IARS1: variants seen among roughly 807,000 people sequenced by gnomAD.
The protein encoded by IARS1 is isoleucine--tRNA ligase, cytoplasmic.
In IARS1, 124 loss-of-function variants were observed where a neutral mutation model predicts 168.2. That is an observed-to-expected ratio of 0.74 (90% confidence interval 0.64 to 0.86). The LOEUF is 0.86. Among genes scored for constraint, IARS1 ranks in the 40% least tolerant of loss-of-function variants. The pLI, the probability that IARS1 is intolerant of heterozygous loss-of-function variation, is 0.00. For synonymous variants in IARS1, 532 were observed against 529.4 expected (o/e 1.00, Z -0.07); for missense variants, 1,452 against 1,515.8 (o/e 0.96, Z 0.70).
chr9:92,273,061 G>A (rs1833307283), intron 10 of IARS1, among the ~76,000 whole-genome samples: 1 of 149,578 alleles, frequency 6.7e-6, no homozygotes, highest in South Asian at 2.1e-4. Flanking sequence ...GAACCCAGGA[G>A]ACGGAGATTG....
At chr9:92,219,946 C>T (rs1456407341) in intron 33 of IARS1, among the ~76,000 whole-genome samples, 6 of 151,816 alleles carry the variant, frequency 4.0e-5, no homozygotes, top group African/African-American at 1.5e-4. Context: ...ATAAATCATG[C>T]TGCTATAAAG....
chr9:92,251,809 A>G lies in IARS1; in HGVS notation c.2306T>C (p.Met769Thr), dbSNP rs372434272. Residue 769 changes from methionine (M) to threonine (T), a missense_variant and splice_region_variant, in exon 22 of 34, where the codon ATG becomes ACG. Physicochemically the swap from Met to Thr is moderately conservative, Grantham distance 81 (BLOSUM62 -1). Coordinates refer to ENST00000443024, the MANE Select transcript of IARS1 (RefSeq NM_002161.6). The stretch of plus-strand genomic sequence containing the variant: ...CTAGAAAGAAGCCAATCATCTTACC[A>G]TAAGTCTGCAAAGAGAAAGCAGAAC... ...FSVLLSLCRL[M>T]APYTPFLTEL... is the part of the protein sequence containing the mutation. The G allele has an allele frequency of 3.3e-5, 54 of 1,613,050 alleles. No homozygotes were observed. The highest frequency in any genetic ancestry group is 4.2e-5 in the Non-Finnish European group (50 of 1,179,074).
intron 4 of IARS1, among the ~76,000 whole-genome samples, chr9:92,286,942 G>A (rs1490924459): frequency 6.6e-6 from 1 of 152,090 alleles, no homozygotes; most frequent in East Asian, 1.9e-4. Flanking sequence ...ATAAGTGAAT[G>A]TATGACAAAA....
chr9:92,274,364 C>T (rs879153272), intron 10 of IARS1, 62 bp downstream of exon 10: 14 of 1,248,716 alleles, frequency 1.1e-5, no homozygotes, highest in African/African-American at 1.5e-5. Context: ...CACAGGACTC[C>T]GCATCTATGA....
intron 7 of IARS1, among the ~76,000 whole-genome samples, chr9:92,278,883 G>A (rs1364302678): frequency 2.0e-5 from 3 of 152,134 alleles, no homozygotes; most frequent in African/African-American, 7.2e-5. Context: ...CTAACAAGTT[G>A]ACAGACACTT....
rs749771215 is a variant in IARS1 at position 92,251,873 on chromosome 9, T to A, written c.2242A>T (p.Met748Leu). The change falls in exon 22 of 34, where the codon ATG (methionine) becomes TTG (leucine). Residue 748 changes from methionine to leucine, a missense_variant. Coordinates refer to ENST00000443024, the MANE Select transcript of IARS1 (RefSeq NM_002161.6). ...TCTAGGGCCATGACACAATCCTCCA[T>A]CCCATTTTCACCCTAATGAGTAAAA... ...NRRRLKGENGMEDCVMALETL... is the reference protein window; with the variant it reads ...NRRRLKGENGLEDCVMALETL... 6.2e-7 allele frequency: 1 copy of A among 1,612,064 alleles called. No individual in the cohort carries two copies. The highest frequency in any genetic ancestry group is 1.3e-5 in the African/African-American group (1 of 74,936).
chr9:92,278,228 T>C lies in IARS1; in HGVS notation c.804A>G (p.Lys268=), dbSNP rs768424457. ...LMEARLSALY[K]LESDYEILER... ...CAAGGATCTCATAGTCACTCTCCAA[T>C]TTATAGAGGGCTGACAATCTGGCTT... Residue 268 remains lysine, a synonymous_variant, in exon 8 of 34, where the codon AAA becomes AAG. Coordinates refer to ENST00000443024, the MANE Select transcript of IARS1 (RefSeq NM_002161.6). The C allele has an allele frequency of 1.2e-6, 2 of 1,611,606 alleles. No individual in the cohort carries two copies. The highest frequency in any genetic ancestry group is 2.2e-5 in the South Asian group (2 of 91,024).
intron 20 of IARS1, among the ~76,000 whole-genome samples, chr9:92,254,087 C>T (rs79102633): frequency 0.02 from 3,087 of 152,296 alleles, 110 homozygotes; most frequent in African/African-American, 0.07. Flanking sequence ...CTGGCCCAAA[C>T]TGCCCATAGT....
At chr9:92,242,125 G>A (rs1244863866) in intron 29 of IARS1, 29 bp downstream of exon 29, 1 of 1,570,348 alleles carries the variant, frequency 6.4e-7, no homozygotes, top group Non-Finnish European at 8.7e-7. Flanking sequence ...AAACCCTTTA[G>A]TAGTAGTTCA....
intron 17 of IARS1, 110 bp from the exon 18 acceptor site, chr9:92,260,344 G>A: frequency 2.5e-6 from 2 of 811,742 alleles, no homozygotes; most frequent in East Asian, 5.0e-5. Flanking sequence ...AAATGGGAAG[G>A]AGTAACTTAG....
At chr9:92,263,905 AG>A (rs1478007095) in intron 16 of IARS1, among the ~76,000 whole-genome samples, 7 of 152,244 alleles carry the variant, frequency 4.6e-5, no homozygotes, top group African/African-American at 1.4e-4. Flanking sequence ...ATAGACAAAA[AG>A]GACTGGAATC....
At chr9:92,223,539 C>T in intron 31 of IARS1, 50 bp from the exon 32 acceptor site, 1 of 1,471,144 alleles carries the variant, frequency 6.8e-7, no homozygotes, top group Non-Finnish European at 9.3e-7. Flanking sequence ...AAATTCAAAA[C>T]TGAAGTCATT....
At chr9:92,251,534 A>C in intron 22 of IARS1, among the ~76,000 whole-genome samples, 1 of 152,218 alleles carries the variant, frequency 6.6e-6, no homozygotes, top group East Asian at 1.9e-4. Flanking sequence ...TCTTACTTTG[A>C]ACTGTAGATC....
chr9:92,225,405 C>T (rs1401161834), intron 31 of IARS1, among the ~76,000 whole-genome samples: 1 of 152,048 alleles, frequency 6.6e-6, no homozygotes, highest in Admixed American at 6.6e-5. Flanking sequence ...AATATTTTAA[C>T]GGGTTAACCT....
Position 92,289,426 on chromosome 9 carries a change from G to A in IARS1, c.-7C>T. 2 of 1,288,412 alleles carry A rather than the reference G, an allele frequency of 1.6e-6. No homozygotes were observed. The highest frequency in any genetic ancestry group is 1.1e-6 in the Non-Finnish European group (1 of 887,692). The allele number at this position is 1,288,412 out of a possible 1,614,324, so 79.8% of individuals were successfully genotyped here. The stretch of plus-strand genomic sequence containing the variant: ...CTGGAACTTGTTGAAGCATTTTGTT[G>A]CTGCAAAAGAAATCAAATTTATTAC... On this transcript the variant is annotated splice_region_variant and 5_prime_UTR_variant, in exon 2 of 34. Coordinates refer to ENST00000443024, the MANE Select transcript of IARS1 (RefSeq NM_002161.6).
intron 32 of IARS1, 110 bp from the exon 33 acceptor site, chr9:92,222,782 G>T: frequency 1.0e-6 from 1 of 980,704 alleles, no homozygotes; most frequent in Non-Finnish European, 1.5e-6. Context: ...CCAGCAGTGC[G>T]TCCAGGAGCG....
Position 92,269,914 on chromosome 9 carries a change from C to G in IARS1, c.1275G>C (p.Gln425His). 6.2e-7 allele frequency: 1 copy of G among 1,613,488 alleles called. No individual in the cohort carries two copies. The highest frequency in any genetic ancestry group is 1.3e-5 in the African/African-American group (1 of 75,018). ...WFVRVENMVD[Q>H]LLRNNDLCYW... ...AGCACAGGTCATTGTTCCTTAGGAG[C>G]TGGTCCACCATGTTCTCCACTCGCA... The change falls in exon 13 of 34, where the codon CAG becomes CAC. Residue 425 changes from glutamine (Q) to histidine (H), a missense_variant. Gln to His is a conservative substitution (Grantham distance 24). Transcript: ENST00000443024.
At chr9:92,213,638 T>C (rs1243236382) in intron 33 of IARS1, among the ~76,000 whole-genome samples, 2 of 152,166 alleles carry the variant, frequency 1.3e-5, no homozygotes, top group East Asian at 1.9e-4. Context: ...CTAATTTCAG[T>C]GTCTGGCCTC....
rs773171570 is a variant in IARS1, at chr9:92,260,131, G to A, written c.1871+20C>T. ...ATAAAAAAACAATAGATACACACAA[G>A]GCAAAGCACTGGTTTGTACCTGAGG... On this transcript the variant is annotated intron_variant, in intron 18 of 33. Transcript: ENST00000443024. 1.3e-6 allele frequency: 2 copies of A among 1,522,680 alleles called. No homozygotes were observed. Among genetic ancestry groups the A allele is most frequent in the African/African-American group, 1.4e-5 (1 of 73,064 alleles). 94.3% of individuals were successfully genotyped at this position (1,522,680 alleles called of 1,614,324 possible).
Sources: allele counts gnomAD v4.1 joint callset (sites outside exome capture counted in the v4.1 genomes callset), GRCh38; gene constraint gnomAD v4.1.1; transcripts MANE v1.5; gene names NCBI Gene and HGNC (gene_info 2026-07-23, HGNC 2026-07-21).